Variants in HPSE2 observed in about 807,000 individuals in gnomAD.
HPSE2 encodes inactive heparanase-2.
A neutral mutation model predicts 60.5 loss-of-function variants in HPSE2; 38 were observed. The ratio of observed to expected loss-of-function variants is 0.63; its 90% CI spans 0.48 to 0.82. The LOEUF (loss-of-function observed/expected upper bound fraction) is 0.82, where lower values mean the gene tolerates loss of function less well. HPSE2 is among the 40% of genes least tolerant of loss of function. HPSE2 has a pLI of 0.00. For missense variants in HPSE2, 713 were observed against 740.4 expected, an observed-to-expected ratio of 0.96 and a Z score of 0.43; for synonymous variants, 295 against 293.2, an observed-to-expected ratio of 1.01 and a Z score of -0.06.
chr10:98,721,078 T>G (rs115048952), intron 5 of HPSE2, among the ~76,000 whole-genome samples: 1,879 of 152,188 alleles, frequency 0.012, 30 homozygotes, highest in African/African-American at 0.042. Flanking sequence ...TTTTTTTTTC[T>G]GACACATAAA....
chr10:98,647,743 T>C (rs1946811430), intron 6 of HPSE2, among the ~76,000 whole-genome samples: 1 of 152,228 alleles, frequency 6.6e-6, no homozygotes, highest in Non-Finnish European at 1.5e-5. Flanking sequence ...TAAGCTTTTC[T>C]TCTGAGGCTA....
chr10:98,806,659 G>A (rs1951048528), intron 3 of HPSE2, among the ~76,000 whole-genome samples: 1 of 152,206 alleles, frequency 6.6e-6, no homozygotes, highest in African/African-American at 2.4e-5. Context: ...TGATCTCATA[G>A]TCACTACTTA....
intron 5 of HPSE2, among the ~76,000 whole-genome samples, chr10:98,709,149 G>A (rs765778138): frequency 6.6e-6 from 1 of 152,020 alleles, no homozygotes; most frequent in Non-Finnish European, 1.5e-5. Flanking sequence ...CCTGTTTCTC[G>A]GAAACTGGCC....
chr10:98,552,251 G>A (rs1943884551), intron 9 of HPSE2, among the ~76,000 whole-genome samples: 1 of 152,136 alleles, frequency 6.6e-6, no homozygotes, highest in African/African-American at 2.4e-5. Context: ...CTTACTAGAT[G>A]TGTGACCTTG....
intron 9 of HPSE2, among the ~76,000 whole-genome samples, chr10:98,599,983 T>G (rs952708538): frequency 1.3e-5 from 2 of 152,186 alleles, no homozygotes; most frequent in African/African-American, 4.8e-5. Context: ...TCATGTTTCC[T>G]AAAGGGAATC....
the HPSE2 span, among the ~76,000 whole-genome samples, chr10:99,252,910 A>G: frequency 3.9e-3 from 599 of 151,922 alleles, 5 homozygotes; most frequent in African/African-American, 0.014. Context: ...AATACCTAGA[A>G]ACATATCTGA....
At chr10:99,163,292 T>C (rs1286556130) in intron 2 of HPSE2, among the ~76,000 whole-genome samples, 1 of 152,096 alleles carries the variant, frequency 6.6e-6, no homozygotes, top group African/African-American at 2.4e-5. Flanking sequence ...CCCATCCACA[T>C]CCATGCACCC....
At chr10:99,183,386 T>C (rs761966523) in intron 2 of HPSE2, among the ~76,000 whole-genome samples, 2 of 152,192 alleles carry the variant, frequency 1.3e-5, no homozygotes, top group South Asian at 4.1e-4. Flanking sequence ...CTGTACACAG[T>C]TGTTTTTGGA....
At chr10:98,460,824 G>C (rs970593731) in intron 11 of HPSE2, among the ~76,000 whole-genome samples, 4 of 152,194 alleles carry the variant, frequency 2.6e-5, no homozygotes, top group African/African-American at 9.6e-5. Flanking sequence ...ATGCTGGATA[G>C]AGGGAAATGC....
chr10:98,676,740 T>C (rs1156993225), intron 6 of HPSE2, among the ~76,000 whole-genome samples: 2 of 152,172 alleles, frequency 1.3e-5, no homozygotes, highest in Non-Finnish European at 2.9e-5. Flanking sequence ...CATTTAGATA[T>C]AGAGCTTAGG....
chr10:98,472,637 C>G (rs150718463), intron 11 of HPSE2, among the ~76,000 whole-genome samples: 133 of 152,076 alleles, frequency 8.7e-4, no homozygotes, highest in Non-Finnish European at 9.0e-4. Flanking sequence ...CACCATGCAT[C>G]AAAACAGATT....
intron 2 of HPSE2, among the ~76,000 whole-genome samples, chr10:99,151,714 G>C (rs1846270841): frequency 6.6e-6 from 1 of 152,006 alleles, no homozygotes; most frequent in Non-Finnish European, 1.5e-5. Context: ...CATTTACAAA[G>C]GGCGAAAAGT....
chr10:98,463,309 C>G (rs547551251), intron 11 of HPSE2, among the ~76,000 whole-genome samples: 8 of 152,348 alleles, frequency 5.3e-5, no homozygotes, highest in Non-Finnish European at 8.8e-5. Flanking sequence ...CCAGTCCCCC[C>G]TCCAACGCTC....
At chr10:99,227,879 G>A (rs1053949380) in intron 2 of HPSE2, among the ~76,000 whole-genome samples, 47 of 145,992 alleles carry the variant, frequency 3.2e-4, no homozygotes, top group African/African-American at 1.0e-3. Flanking sequence ...ATGTGTGTGT[G>A]TGTGTGTGTG....
rs1402099535 is a variant in HPSE2, at chr10:99,126,719, C to T, written c.610+17519G>A. 6.6e-6 allele frequency among the ~76,000 whole-genome samples: 1 copy of T among 152,210 alleles called. No individual in the cohort carries two copies. The highest frequency in any genetic ancestry group is 1.5e-5 in the Non-Finnish European group (1 of 68,024). ...AAAGCCAGCACACTAAACATAGCTA[C>T]AACTAAGGACCCTGACACAGTCTAG... On this transcript the variant is annotated intron_variant, in intron 3 of 11. Coordinates refer to ENST00000370552, the MANE Select transcript of HPSE2 (RefSeq NM_021828.5). This position sits in a 1 kb window ranked among gnomAD's most constrained non-coding sequence, Gnocchi z 4.0.
At chr10:98,632,503 T>C (rs1946390418) in intron 7 of HPSE2, among the ~76,000 whole-genome samples, 1 of 152,194 alleles carries the variant, frequency 6.6e-6, no homozygotes, top group South Asian at 2.1e-4. Context: ...TTGGTGTTCT[T>C]TGGTGGTAAA....
At chr10:98,577,654 A>T (rs991354572) in intron 9 of HPSE2, among the ~76,000 whole-genome samples, 2 of 152,130 alleles carry the variant, frequency 1.3e-5, no homozygotes, top group East Asian at 3.8e-4. Flanking sequence ...TTGCCTTCTC[A>T]TCAGGTTAGT....
intron 6 of HPSE2, among the ~76,000 whole-genome samples, chr10:98,667,836 AAAAG>A (rs1236745448): frequency 6.6e-6 from 1 of 152,212 alleles, no homozygotes; most frequent in Non-Finnish European, 1.5e-5. Flanking sequence ...TTGAATGCGG[AAAAG>A]CTACAACCAT....
intron 10 of HPSE2, among the ~76,000 whole-genome samples, chr10:98,486,661 C>G (rs1941451551): frequency 6.6e-6 from 1 of 152,118 alleles, no homozygotes; most frequent in Non-Finnish European, 1.5e-5. Flanking sequence ...AGAAATGTCT[C>G]CAGTGAAGCT....
Sources: allele counts gnomAD v4.1 joint callset (sites outside exome capture counted in the v4.1 genomes callset), GRCh38; gene constraint gnomAD v4.1.1; non-coding constraint Gnocchi (gnomAD v3.1); transcripts MANE v1.5; gene names NCBI Gene and HGNC (gene_info 2026-07-23, HGNC 2026-07-21).